The following HYAL4 variants were observed in gnomAD, a reference collection of about 807,000 sequenced individuals.
HYAL4 encodes the protein hyaluronidase-4.
In HYAL4, 37 loss-of-function variants were observed where a neutral mutation model predicts 35.2. That is an observed-to-expected ratio of 1.05 (90% CI 0.81 to 1.38). The LOEUF is 1.38. Among genes scored for constraint, HYAL4 ranks in the 40% most tolerant of loss-of-function variants. The probability of loss-of-function intolerance (pLI) is 0.00; values close to 1 mark genes in which losing one functional copy is unlikely to be tolerated. For synonymous variants in HYAL4, 198 were observed against 203.2 expected, an observed-to-expected ratio of 0.97 and a Z score of 0.22; for missense variants, 572 against 572.4, an observed-to-expected ratio of 1.00 and a Z score of 0.01.
At chr7:123,857,939 G>A (rs1806492379) in intron 2 of HYAL4, among the ~76,000 whole-genome samples, 1 of 151,870 alleles carries the variant, frequency 6.6e-6, no homozygotes. Context: ...GCTCACTCCT[G>A]TAATCCCAGC....
chr7:123,842,362 C>T (rs896176670), upstream of HYAL4, among the ~76,000 whole-genome samples: 1 of 151,950 alleles, frequency 6.6e-6, no homozygotes, highest in African/African-American at 2.4e-5. Context: ...GTCTGAGAGA[C>T]AGTTTGTTGT....
the HYAL4 span, among the ~76,000 whole-genome samples, chr7:123,785,859 C>T: frequency 0.066 from 10,025 of 152,184 alleles, 418 homozygotes; most frequent in East Asian, 0.11. This position sits in a 1 kb window ranked among gnomAD's most constrained non-coding sequence, Gnocchi z 4.5. Context: ...CCAGATAATG[C>T]AGGCTTTGAT....
At chr7:123,853,881 A>G (rs565855818) in intron 2 of HYAL4, among the ~76,000 whole-genome samples, 2 of 152,260 alleles carry the variant, frequency 1.3e-5, no homozygotes, top group East Asian at 3.9e-4. Flanking sequence ...TTGGTAGGCT[A>G]GTAATTTCTG....
chr7:123,870,674 T>TG (rs1806854157), intron 3 of HYAL4, among the ~76,000 whole-genome samples: 1 of 151,342 alleles, frequency 6.6e-6, no homozygotes, highest in Non-Finnish European at 1.5e-5. Flanking sequence ...AGAAGAGAAT[T>TG]GCTTGAACTC....
the HYAL4 span, among the ~76,000 whole-genome samples, chr7:123,799,996 A>T: frequency 1.3e-5 from 2 of 151,948 alleles, no homozygotes; most frequent in Non-Finnish European, 2.9e-5. Flanking sequence ...CCCCGCCTCT[A>T]CTAAAAATAC....
chr7:123,844,645 G>A (rs909245525), upstream of HYAL4, among the ~76,000 whole-genome samples: 3 of 152,190 alleles, frequency 2.0e-5, no homozygotes, highest in African/African-American at 4.8e-5. Context: ...CAGAGATGGA[G>A]TCTAGAGGCA....
chr7:123,838,629 TA>T (rs1200752246), intron 1 of HYAL4, among the ~76,000 whole-genome samples: 7 of 152,214 alleles, frequency 4.6e-5, no homozygotes, highest in African/African-American at 1.2e-4. Context: ...ATAGTCTTTT[TA>T]TGATGAATTT....
At chr7:123,830,308 G>A (rs2116905037) in intron 1 of HYAL4, among the ~76,000 whole-genome samples, 1 of 152,128 alleles carries the variant, frequency 6.6e-6, no homozygotes, top group South Asian at 2.1e-4. Flanking sequence ...CTCTTCCTAT[G>A]CTTATGATAA....
intron 1 of HYAL4, among the ~76,000 whole-genome samples, chr7:123,833,947 C>G (rs1805922095): frequency 6.6e-6 from 1 of 151,966 alleles, no homozygotes; most frequent in South Asian, 2.1e-4. Context: ...GGTCTATGTG[C>G]CTATTTTTAT....
At chr7:123,821,695 G>A in the HYAL4 span, among the ~76,000 whole-genome samples, 1 of 152,154 alleles carries the variant, frequency 6.6e-6, no homozygotes, top group African/African-American at 2.4e-5. Context: ...TCCTTTTGGT[G>A]TCATGTCTAA....
At chr7:123,869,424 T>C (rs1427261527) in intron 3 of HYAL4, among the ~76,000 whole-genome samples, 197 bp downstream of exon 3, 1 of 152,154 alleles carries the variant, frequency 6.6e-6, no homozygotes, top group Non-Finnish European at 1.5e-5. Flanking sequence ...TCATTATTAT[T>C]CTCTTAAGGA....
the HYAL4 span, among the ~76,000 whole-genome samples, chr7:123,818,089 C>T: frequency 2.0e-5 from 3 of 152,240 alleles, no homozygotes; most frequent in Admixed American, 1.3e-4. Flanking sequence ...GTTGGCCAGG[C>T]TGGTCTCGAA....
chr7:123,821,888 A>G, the HYAL4 span, among the ~76,000 whole-genome samples: 2 of 152,142 alleles, frequency 1.3e-5, no homozygotes, highest in Non-Finnish European at 2.9e-5. Context: ...TCCCAACTCC[A>G]TCTCTTGAAG....
chr7:123,768,885 T>A, the HYAL4 span, among the ~76,000 whole-genome samples: 12 of 152,368 alleles, frequency 7.9e-5, no homozygotes, highest in South Asian at 1.4e-3. Context: ...TGCCCCTGTT[T>A]CTGTCCTAAG....
At chr7:123,867,941 A>T (rs1305110885) in intron 2 of HYAL4, among the ~76,000 whole-genome samples, 1 of 152,180 alleles carries the variant, frequency 6.6e-6, no homozygotes. Context: ...TCACATCTTT[A>T]TCTGATCATG....
At chr7:123,846,042 C>G (rs543592488) in intron 1 of HYAL4, among the ~76,000 whole-genome samples, 50 of 152,196 alleles carry the variant, frequency 3.3e-4, no homozygotes, top group Non-Finnish European at 6.5e-4. Context: ...AGCACCTGCT[C>G]TGGTGGAGGT....
At chr7:123,873,790 C>G (rs12112163) in intron 3 of HYAL4, among the ~76,000 whole-genome samples, 22,496 of 152,210 alleles carry the variant, frequency 0.15, 1,844 homozygotes, top group Non-Finnish European at 0.18. Context: ...TCAAAATTCT[C>G]TCTGCTAAAA....
At chr7:123,822,150 A>C in the HYAL4 span, among the ~76,000 whole-genome samples, 1 of 152,070 alleles carries the variant, frequency 6.6e-6, no homozygotes, top group East Asian at 1.9e-4. Context: ...TTCCATATAA[A>C]GTTTAGTTTT....
In HYAL4 at chr7:123,863,600, G is replaced by T. The variant is rs573852059; in HGVS notation, c.-51-4623G>T. Reference sequence around the variant, plus strand: ...CGTTCCTGTGATTGGGTAAAGAATAGCAGTCATTCATTCAGCAAGAGAGAG... The same window carrying T: ...CGTTCCTGTGATTGGGTAAAGAATATCAGTCATTCATTCAGCAAGAGAGAG... On this transcript the variant is annotated intron_variant, in intron 2 of 4. Transcript: ENST00000223026. 2.0e-5 allele frequency among the ~76,000 whole-genome samples: 3 copies of T among 152,292 alleles called. No homozygotes were observed. The East Asian group carries it at 5.8e-4, about 29-fold the overall frequency.
Sources: allele counts gnomAD v4.1 joint callset (sites outside exome capture counted in the v4.1 genomes callset), GRCh38; gene constraint gnomAD v4.1.1; non-coding constraint Gnocchi (gnomAD v3.1); transcripts MANE v1.5; gene names NCBI Gene and HGNC (gene_info 2026-07-23, HGNC 2026-07-21).